EBF1: variants seen among roughly 807,000 people sequenced by gnomAD.
EBF1 encodes transcription factor COE1.
A neutral mutation model predicts 68.4 loss-of-function variants in EBF1; 10 were observed. That is an observed-to-expected ratio of 0.15 (90% CI 0.09 to 0.25). The LOEUF is 0.25. Ranked by LOEUF, EBF1 falls within the 10% of genes least tolerant of loss-of-function variation. EBF1 has a pLI of 1.00. For missense variants in EBF1, 509 were observed against 794.4 expected (o/e 0.64, Z 4.32); for synonymous variants, 298 against 299.8 (o/e 0.99, Z 0.06).
chr5:158,958,955 A>G (rs2127528612), intron 6 of EBF1, among the ~76,000 whole-genome samples: 1 of 152,330 alleles, frequency 6.6e-6, no homozygotes, highest in East Asian at 1.9e-4. Flanking sequence ...CGATTCGCAC[A>G]TTACTCAAGT....
At chr5:159,055,682 A>G (rs1355952275) in intron 6 of EBF1, among the ~76,000 whole-genome samples, 2 of 152,182 alleles carry the variant, frequency 1.3e-5, no homozygotes, top group Non-Finnish European at 2.9e-5. Flanking sequence ...ATTACTTTAA[A>G]TCTCTTTTTG....
intron 4 of EBF1, among the ~76,000 whole-genome samples, chr5:159,089,831 G>A (rs1371886451): frequency 1.0e-4 from 14 of 139,934 alleles, no homozygotes; most frequent in Admixed American, 3.6e-4. Context: ...AAAGAAAGAA[G>A]AAAAGAAAAG....
At chr5:158,727,730 C>A (rs1304444321) in intron 11 of EBF1, among the ~76,000 whole-genome samples, 2 of 152,216 alleles carry the variant, frequency 1.3e-5, no homozygotes, top group Non-Finnish European at 1.5e-5. Flanking sequence ...GAGCAGGATT[C>A]CGCTTGCTCC....
chr5:159,079,186 T>A (rs899413326), intron 5 of EBF1, among the ~76,000 whole-genome samples: 5 of 152,172 alleles, frequency 3.3e-5, no homozygotes, highest in African/African-American at 1.2e-4. Context: ...TGATCCATCC[T>A]CGTCACACTA....
intron 10 of EBF1, among the ~76,000 whole-genome samples, chr5:158,742,768 C>G (rs1359333912): frequency 2.6e-5 from 4 of 152,118 alleles, no homozygotes; most frequent in African/African-American, 9.7e-5. Flanking sequence ...ACCTCTGGTT[C>G]TCAAATATTA....
At chr5:159,070,012 T>G (rs1777529935) in intron 6 of EBF1, among the ~76,000 whole-genome samples, 1 of 152,200 alleles carries the variant, frequency 6.6e-6, no homozygotes, top group Non-Finnish European at 1.5e-5. Flanking sequence ...CCACCTTAAT[T>G]CAATAACTGG....
At chr5:158,770,680 C>T (rs1015973357) in intron 10 of EBF1, among the ~76,000 whole-genome samples, 2 of 152,098 alleles carry the variant, frequency 1.3e-5, no homozygotes, top group Non-Finnish European at 2.9e-5. Flanking sequence ...TTTGCTCCCT[C>T]TGCTGGAAGG....
At chr5:158,886,002 A>T (rs1429151505) in intron 6 of EBF1, among the ~76,000 whole-genome samples, 1 of 152,146 alleles carries the variant, frequency 6.6e-6, no homozygotes, top group East Asian at 1.9e-4. Context: ...GGTTGTTCTA[A>T]GGCAGGAGGA....
intron 6 of EBF1, among the ~76,000 whole-genome samples, chr5:158,868,665 G>A (rs1796343828): frequency 6.6e-6 from 1 of 152,168 alleles, no homozygotes; most frequent in South Asian, 2.1e-4. Flanking sequence ...GCCACACATG[G>A]TGTGCAACAG....
At chr5:158,808,401 T>C (rs1162646859) in intron 8 of EBF1, among the ~76,000 whole-genome samples, 1 of 152,102 alleles carries the variant, frequency 6.6e-6, no homozygotes. Context: ...AATACCAGCT[T>C]TCAAAACTTA....
At chr5:158,732,119 GT>G (rs1459102284) in intron 10 of EBF1, among the ~76,000 whole-genome samples, 1 of 152,032 alleles carries the variant, frequency 6.6e-6, no homozygotes. Context: ...GTAGGTGGGT[GT>G]TTTTTTAAAA....
At chr5:159,078,518 T>C (rs1310587963) in intron 5 of EBF1, among the ~76,000 whole-genome samples, 1 of 152,258 alleles carries the variant, frequency 6.6e-6, no homozygotes, top group Admixed American at 6.5e-5. Context: ...CACTATTTTT[T>C]AGGCTCCTAC....
chr5:158,931,826 A>G (rs927716965), intron 6 of EBF1, among the ~76,000 whole-genome samples: 1 of 152,224 alleles, frequency 6.6e-6, no homozygotes, highest in African/African-American at 2.4e-5. Context: ...ATCCTCCTAG[A>G]AATAGGAGAT....
intron 6 of EBF1, among the ~76,000 whole-genome samples, chr5:158,967,996 T>C (rs1001581894): frequency 7.2e-5 from 11 of 152,246 alleles, no homozygotes; most frequent in African/African-American, 2.4e-4. Context: ...GGTTAAAATA[T>C]GCAACTCAAA....
Position 158,698,750 on chromosome 5 carries a change from A to G in EBF1, c.*361T>C, listed in dbSNP as rs1306954805. On this transcript the variant is annotated 3_prime_UTR_variant, in exon 16 of 16. Transcript: ENST00000313708. Reference sequence around the variant, plus strand: ...AAAAACATCATAAATTAAAACATGGAGTCTTATTTATAGTGTCCCTTGTAT... The same window carrying G: ...AAAAACATCATAAATTAAAACATGGGGTCTTATTTATAGTGTCCCTTGTAT... The G allele has an allele frequency of 4.3e-6, 1 of 230,232 alleles. No homozygotes were observed. The highest frequency in any genetic ancestry group is 5.7e-5 in the Admixed American group (1 of 17,454). 14.3% of individuals were successfully genotyped at this position (230,232 alleles called of 1,614,324 possible).
chr5:159,002,996 C>G (rs528306290), intron 6 of EBF1, among the ~76,000 whole-genome samples: 1 of 152,178 alleles, frequency 6.6e-6, no homozygotes, highest in African/African-American at 2.4e-5. Flanking sequence ...TCACTCTTTA[C>G]TCATGATGCA....
At chr5:159,002,330 T>C (rs1236260338) in intron 6 of EBF1, among the ~76,000 whole-genome samples, 1 of 152,194 alleles carries the variant, frequency 6.6e-6, no homozygotes, top group Non-Finnish European at 1.5e-5. Context: ...CCTATTCCAG[T>C]GCAAAAGTAT....
intron 6 of EBF1, among the ~76,000 whole-genome samples, chr5:158,856,371 T>C (rs1444258439): frequency 6.6e-6 from 1 of 152,218 alleles, no homozygotes; most frequent in South Asian, 2.1e-4. Flanking sequence ...ATAATGATGA[T>C]AAATTGTTCT....
intron 6 of EBF1, among the ~76,000 whole-genome samples, chr5:158,859,103 G>T (rs1020881734): frequency 6.6e-6 from 1 of 152,134 alleles, no homozygotes; most frequent in Non-Finnish European, 1.5e-5. Context: ...TACAAGAGAC[G>T]CATCTCAATG....
Sources: allele counts gnomAD v4.1 joint callset (sites outside exome capture counted in the v4.1 genomes callset), GRCh38; gene constraint gnomAD v4.1.1; transcripts MANE v1.5; gene names NCBI Gene and HGNC (gene_info 2026-07-23, HGNC 2026-07-21).